The following SHROOM3 variants were observed in gnomAD, a reference collection of about 807,000 sequenced individuals.
SHROOM3 encodes protein Shroom3.
In SHROOM3, 47 loss-of-function variants were observed where a neutral mutation model predicts 138.6. That is an observed-to-expected ratio of 0.34 (90% confidence interval 0.27 to 0.43). The LOEUF (loss-of-function observed/expected upper bound fraction) is 0.43, where lower values mean the gene tolerates loss of function less well. SHROOM3 is among the 20% of genes least tolerant of loss of function. The pLI is 1.00. For synonymous variants in SHROOM3, 1,062 were observed against 1,063.3 expected (o/e 1.00, Z 0.02); for missense variants, 2,491 against 2,596.5 (o/e 0.96, Z 0.88).
intron 1 of SHROOM3, among the ~76,000 whole-genome samples, chr4:76,506,464 G>A (rs1247571649): frequency 6.6e-6 from 1 of 152,192 alleles, no homozygotes; most frequent in East Asian, 1.9e-4. Flanking sequence ...TAAGGGACTT[G>A]AGCATCCATG....
chr4:76,628,343 C>A (rs1189775812), intron 2 of SHROOM3, among the ~76,000 whole-genome samples: 2 of 151,986 alleles, frequency 1.3e-5, no homozygotes, highest in Non-Finnish European at 2.9e-5. Flanking sequence ...GCCTTAAATT[C>A]AAAGAGAGCA....
intron 2 of SHROOM3, among the ~76,000 whole-genome samples, chr4:76,627,831 T>A (rs1421312884): frequency 1.3e-5 from 2 of 152,034 alleles, no homozygotes; most frequent in African/African-American, 4.8e-5. Flanking sequence ...TGCCACCATG[T>A]CCAGCCCAAA....
chr4:76,626,223 T>G lies in SHROOM3; in HGVS notation c.323+70460T>G, dbSNP rs796601474. On this transcript the variant is annotated intron_variant, in intron 2 of 10. Transcript: ENST00000296043. The stretch of plus-strand genomic sequence containing the variant: ...GGAAATCAAAAGAAAGGAAAATCAC[T>G]CTCTCCAAGTGGTAGAAATGATAGT... 5.8e-4 allele frequency among the ~76,000 whole-genome samples: 88 copies of G among 152,272 alleles called. 2 individuals carry two copies. The highest frequency in any genetic ancestry group is 2.0e-3 in the African/African-American group (84 of 41,544).
intron 2 of SHROOM3, among the ~76,000 whole-genome samples, chr4:76,708,941 G>A (rs1336587931): frequency 6.6e-6 from 1 of 152,202 alleles, no homozygotes; most frequent in Non-Finnish European, 1.5e-5. Flanking sequence ...CCTAAATTCG[G>A]TGAGAAAAGT....
intron 2 of SHROOM3, among the ~76,000 whole-genome samples, chr4:76,707,522 A>G (rs1038265396): frequency 6.6e-6 from 1 of 152,154 alleles, no homozygotes; most frequent in African/African-American, 2.4e-5. Flanking sequence ...GTGGGGCACC[A>G]TTCCCCGATA....
At chr4:76,507,233 A>T (rs2110002771) in intron 1 of SHROOM3, among the ~76,000 whole-genome samples, 1 of 152,320 alleles carries the variant, frequency 6.6e-6, no homozygotes, top group South Asian at 2.1e-4. Flanking sequence ...TAAAATATCT[A>T]AACAATTTAA....
In SHROOM3 at chr4:76,671,645, T is replaced by C. The variant is rs529076204; in HGVS notation, c.324-38511T>C. Among the ~76,000 whole-genome samples, 29 of 152,318 alleles carry C rather than the reference T, an allele frequency of 1.9e-4. 1 individual carries two copies. Among genetic ancestry groups the C allele is most frequent in the Admixed American group, 1.4e-3 (22 of 15,308 alleles). ...AGGGGGCCTTCCTATAGTTCCCCAG[T>C]CTGCCAGACAGATTTCATCACACAG... On this transcript the variant is annotated intron_variant, in intron 2 of 10. Coordinates refer to ENST00000296043, the MANE Select transcript of SHROOM3 (RefSeq NM_020859.4).
chr4:76,726,541 T>TAAAAAAAAA (rs61455146), intron 3 of SHROOM3, among the ~76,000 whole-genome samples: 8 of 90,836 alleles, frequency 8.8e-5, no homozygotes, highest in Admixed American at 1.4e-4. Flanking sequence ...CCCCTCCATC[T>TAAAAAAAAA]AAAAAAAAAA....
intron 2 of SHROOM3, among the ~76,000 whole-genome samples, chr4:76,567,478 G>T (rs1439460265): frequency 6.6e-6 from 1 of 152,068 alleles, no homozygotes; most frequent in African/African-American, 2.4e-5. Flanking sequence ...ATAAAACCCT[G>T]TCTCTATTAA....
intron 1 of SHROOM3, among the ~76,000 whole-genome samples, chr4:76,448,036 A>G (rs1011786893): frequency 9.2e-5 from 14 of 152,292 alleles, no homozygotes; most frequent in Non-Finnish European, 1.9e-4. Flanking sequence ...ATAAAAAAGA[A>G]AAAAATACAT....
chr4:76,529,986 C>G (rs1048147851), intron 1 of SHROOM3, among the ~76,000 whole-genome samples: 4 of 152,184 alleles, frequency 2.6e-5, no homozygotes, highest in African/African-American at 9.7e-5. Flanking sequence ...ATGGTATGTT[C>G]AAGCTTTGCT....
At position 76,756,419 on chromosome 4, in the gene SHROOM3, T is replaced by G. The variant is rs755930539; in HGVS notation, c.4710-30T>G. On this transcript the variant is annotated intron_variant, in intron 7 of 10. Coordinates refer to ENST00000296043, the MANE Select transcript of SHROOM3 (RefSeq NM_020859.4). ...TCACTCTCTCTTTCTCTCTCTCTCTTTTTTTTTTTTTTTTAAATATCCCTG... is the reference window on the plus strand; with the variant it reads ...TCACTCTCTCTTTCTCTCTCTCTCTGTTTTTTTTTTTTTTAAATATCCCTG... The G allele has an allele frequency of 8.2e-6, 8 of 975,930 alleles. No individual in the cohort carries two copies. The South Asian group carries it at 1.4e-4, about 17-fold the overall frequency. 60.5% of individuals were successfully genotyped at this position (975,930 alleles called of 1,614,324 possible).
intron 2 of SHROOM3, among the ~76,000 whole-genome samples, chr4:76,690,051 A>C (rs1326679282): frequency 6.6e-6 from 1 of 151,906 alleles, no homozygotes; most frequent in Non-Finnish European, 1.5e-5. Context: ...TGAGTTGAGA[A>C]CTCCTTGCCT....
At chr4:76,689,611 C>T (rs1459413644) in intron 2 of SHROOM3, 7 of 985,070 alleles carry the variant, frequency 7.1e-6, no homozygotes, top group South Asian at 4.7e-5. Context: ...TGCCGCGCGC[C>T]GCCTCCTCGG....
chr4:76,561,706 AAG>A (rs1553923688), intron 2 of SHROOM3, among the ~76,000 whole-genome samples: 2 of 150,964 alleles, frequency 1.3e-5, no homozygotes, highest in Non-Finnish European at 3.0e-5. Context: ...AAAAAAAAAA[AAG>A]AGAGAGAGAC....
At chr4:76,628,879 C>T (rs1252458985) in intron 2 of SHROOM3, 1 of 151,666 alleles carries the variant, frequency 6.6e-6, no homozygotes. Flanking sequence ...CCCGCTTTGT[C>T]ACCCAGCCTG....
intron 1 of SHROOM3, among the ~76,000 whole-genome samples, chr4:76,513,330 G>T (rs1033040053): frequency 6.7e-6 from 1 of 148,360 alleles, no homozygotes; most frequent in African/African-American, 2.5e-5. Flanking sequence ...AAAATAATAT[G>T]TTTTTTTTTT....
chr4:76,453,157 T>G (rs996442685), intron 1 of SHROOM3, among the ~76,000 whole-genome samples: 1 of 152,250 alleles, frequency 6.6e-6, no homozygotes, highest in African/African-American at 2.4e-5. Flanking sequence ...AAGACCTACC[T>G]TACTGTTTTC....
At chr4:76,627,744 T>C (rs1219361687) in intron 2 of SHROOM3, among the ~76,000 whole-genome samples, 1 of 151,842 alleles carries the variant, frequency 6.6e-6, no homozygotes, top group East Asian at 1.9e-4. Context: ...ATGATCATCA[T>C]GCACTGCAGC....
Sources: allele counts gnomAD v4.1 joint callset (sites outside exome capture counted in the v4.1 genomes callset), GRCh38; gene constraint gnomAD v4.1.1; transcripts MANE v1.5; gene names NCBI Gene and HGNC (gene_info 2026-07-23, HGNC 2026-07-21).